CARMIL1: variants seen among roughly 807,000 people sequenced by gnomAD.
CARMIL1 encodes F-actin-uncapping protein LRRC16A.
A neutral mutation model predicts 177.1 loss-of-function variants in CARMIL1; 90 were observed. That is an observed-to-expected ratio of 0.51 (90% confidence interval 0.43 to 0.61). The LOEUF (loss-of-function observed/expected upper bound fraction) is 0.61. Among genes scored for constraint, CARMIL1 ranks in the 20% least tolerant of loss-of-function variants. The pLI is 0.00. For missense variants in CARMIL1, 1,380 were observed against 1,667.0 expected, an observed-to-expected ratio of 0.83 and a Z score of 3.00; for synonymous variants, 577 against 606.2, an observed-to-expected ratio of 0.95 and a Z score of 0.71.
At chr6:25,285,092 T>C (rs1010260357) in intron 2 of CARMIL1, among the ~76,000 whole-genome samples, 183 bp downstream of exon 2, 5 of 152,240 alleles carry the variant, frequency 3.3e-5, no homozygotes, top group Non-Finnish European at 2.9e-5. Flanking sequence ...ATAGGGTAAT[T>C]TGAATTTTAA....
intron 24 of CARMIL1, among the ~76,000 whole-genome samples, chr6:25,529,791 G>C (rs1385817501): frequency 7.9e-6 from 1 of 127,302 alleles, no homozygotes; most frequent in South Asian, 2.6e-4. Context: ...AAAAAGAATA[G>C]GCTGCTATGA....
At chr6:25,367,398 G>A (rs62392364) in intron 2 of CARMIL1, among the ~76,000 whole-genome samples, 1 of 152,102 alleles carries the variant, frequency 6.6e-6, no homozygotes, top group East Asian at 1.9e-4. Flanking sequence ...GGGCTGATTT[G>A]GGGTTTGGGA....
chr6:25,536,414 T>G (rs1371656022), intron 24 of CARMIL1, among the ~76,000 whole-genome samples: 1 of 152,126 alleles, frequency 6.6e-6, no homozygotes, highest in African/African-American at 2.4e-5. Context: ...GGCAGAGAAT[T>G]TGATGTGAGA....
chr6:25,512,153 AC>A lies in CARMIL1; in HGVS notation c.1632+1392del, dbSNP rs1291537547. Among the ~76,000 whole-genome samples the A allele has an allele frequency of 3.9e-5, 6 of 152,270 alleles. No homozygotes were observed. In the East Asian group the frequency reaches 1.2e-3, roughly 29 times the overall value. On this transcript the variant is annotated intron_variant, in intron 20 of 36. Coordinates refer to ENST00000329474, the MANE Select transcript of CARMIL1 (RefSeq NM_017640.6). ...TTCACCCCAAGATGTTTTTTTCTTAACACATACTTTAGGAAAATTTGTATTT... is the reference window on the plus strand; with the variant it reads ...TTCACCCCAAGATGTTTTTTTCTTAAACATACTTTAGGAAAATTTGTATTT...
At chr6:25,586,922 TC>T (rs1470557244) in intron 31 of CARMIL1, among the ~76,000 whole-genome samples, 1 of 151,070 alleles carries the variant, frequency 6.6e-6, no homozygotes, top group African/African-American at 2.4e-5. Flanking sequence ...CAGCCTCGGC[TC>T]GGCATCAGAT....
At chr6:25,354,327 TA>T (rs1410943984) in intron 2 of CARMIL1, among the ~76,000 whole-genome samples, 32 of 137,064 alleles carry the variant, frequency 2.3e-4, no homozygotes, top group Non-Finnish European at 3.2e-4. Context: ...CTTGACTAAT[TA>T]AATTTTTTTT....
intron 2 of CARMIL1, among the ~76,000 whole-genome samples, chr6:25,397,875 C>T (rs1439664675): frequency 6.6e-6 from 1 of 152,120 alleles, no homozygotes; most frequent in Non-Finnish European, 1.5e-5. Context: ...TTAACATATA[C>T]ATAGATTTAA....
chr6:25,404,768 A>AT (rs1794211861), intron 2 of CARMIL1, among the ~76,000 whole-genome samples: 10 of 147,318 alleles, frequency 6.8e-5, no homozygotes, highest in Admixed American at 2.8e-4. Context: ...AAAAAAAAAA[A>AT]AAAATAGAGG....
At chr6:25,308,464 C>T (rs981607141) in intron 2 of CARMIL1, among the ~76,000 whole-genome samples, 2 of 150,530 alleles carry the variant, frequency 1.3e-5, no homozygotes, top group East Asian at 3.9e-4. Context: ...TTACTGCAAC[C>T]TCTGACTCCC....
chr6:25,450,839 C>T, intron 8 of CARMIL1, 128 bp downstream of exon 8: 2 of 462,036 alleles, frequency 4.3e-6, no homozygotes, highest in Non-Finnish European at 7.7e-6. Flanking sequence ...CCTTCCCTCC[C>T]CTCCCCTTCC....
At chr6:25,572,926 A>G (rs1812235955) in intron 29 of CARMIL1, among the ~76,000 whole-genome samples, 1 of 152,156 alleles carries the variant, frequency 6.6e-6, no homozygotes, top group Admixed American at 6.5e-5. Flanking sequence ...GGTACTAGTA[A>G]TATTTTCTTT....
chr6:25,419,469 G>A (rs72831246), intron 2 of CARMIL1, among the ~76,000 whole-genome samples: 10,032 of 152,162 alleles, frequency 0.066, 422 homozygotes, highest in South Asian at 0.11. Flanking sequence ...ATTCATGAGG[G>A]CCTCTGCTAA....
chr6:25,558,630 T>G lies in CARMIL1; in HGVS notation c.2742+1780T>G, dbSNP rs1162601523. ...AGCATCCATTGTAAAAACATTCATGTTGCCATGATGCCTAAAGAGGCAGGA... is the reference window on the plus strand; with the variant it reads ...AGCATCCATTGTAAAAACATTCATGGTGCCATGATGCCTAAAGAGGCAGGA... On this transcript the variant is annotated intron_variant, in intron 29 of 36. Transcript: ENST00000329474. This position sits in a 1 kb window ranked among gnomAD's most constrained non-coding sequence, Gnocchi z 4.1. Among the ~76,000 whole-genome samples, 1 of 152,220 alleles carries G rather than the reference T, an allele frequency of 6.6e-6. No individual in the cohort carries two copies. The highest frequency in any genetic ancestry group is 1.5e-5 in the Non-Finnish European group (1 of 68,046).
intron 32 of CARMIL1, among the ~76,000 whole-genome samples, chr6:25,597,216 G>A (rs1289890033): frequency 2.0e-5 from 3 of 152,052 alleles, no homozygotes; most frequent in Non-Finnish European, 2.9e-5. Flanking sequence ...CCATTCCCAT[G>A]AGAACTAATA....
rs750155514 is a variant in CARMIL1 at position 25,326,031 on chromosome 6, G to A, written c.138+41122G>A. Among the ~76,000 whole-genome samples the A allele has an allele frequency of 2.4e-4, 37 of 152,170 alleles. No individual in the cohort carries two copies. Among genetic ancestry groups the A allele is most frequent in the Admixed American group, 3.9e-4 (6 of 15,284 alleles). On this transcript the variant is annotated intron_variant, in intron 2 of 36. Coordinates refer to ENST00000329474, the MANE Select transcript of CARMIL1 (RefSeq NM_017640.6). The surrounding 1 kb of genome is among the most constrained non-coding windows in gnomAD (Gnocchi z 4.2). ...ACTACAGGCGCGCACCAGCTCGCCC[G>A]GCTAATTTTTTGTATTTTAGTAGAG...
intron 9 of CARMIL1, among the ~76,000 whole-genome samples, chr6:25,470,781 C>G (rs764518124): frequency 6.6e-6 from 1 of 152,128 alleles, no homozygotes; most frequent in Admixed American, 6.5e-5. Flanking sequence ...GCCTCTTTTA[C>G]GAAAGCACTA....
At chr6:25,505,380 G>A (rs1405180215) in intron 17 of CARMIL1, among the ~76,000 whole-genome samples, 1 of 152,186 alleles carries the variant, frequency 6.6e-6, no homozygotes, top group Non-Finnish European at 1.5e-5. Flanking sequence ...TTCTATGGCA[G>A]TAGTGATACT....
Position 25,555,382 on chromosome 6 carries a change from T to TATTCATTC in CARMIL1, c.2593-1289_2593-1282dup, listed in dbSNP as rs61571019. On this transcript the variant is annotated intron_variant, in intron 28 of 36. Coordinates refer to ENST00000329474, the MANE Select transcript of CARMIL1 (RefSeq NM_017640.6). ...ATAAGTACAAACAAAAGCAATAGAG[T>TATTCATTC]ATTCATTCATTCATTCATTCATTCA... Among the ~76,000 whole-genome samples the TATTCATTC allele has an allele frequency of 8.2e-3, 1,227 of 150,380 alleles. 13 individuals are homozygous for TATTCATTC. Among genetic ancestry groups the TATTCATTC allele is most frequent in the Middle Eastern group, 0.021 (6 of 290 alleles).
At chr6:25,383,665 A>C (rs1791834158) in intron 2 of CARMIL1, 1 of 152,228 alleles carries the variant, frequency 6.6e-6, no homozygotes, top group Admixed American at 6.5e-5. Context: ...CCCCTGTCGA[A>C]GGATGACATG....
Sources: gnomAD v4.1 joint callset for allele counts (sites outside exome capture counted in the v4.1 genomes callset) on GRCh38, gnomAD v4.1.1 for gene constraint, Gnocchi (gnomAD v3.1) non-coding constraint, MANE v1.5 for transcripts, NCBI Gene and HGNC (gene_info 2026-07-23, HGNC 2026-07-21) for gene names.